Variants in MTFR1L observed in about 807,000 individuals in gnomAD.
MTFR1L encodes mitochondrial fission regulator 1-like.
MTFR1L carries 10 observed loss-of-function variants against 27.9 expected under a neutral mutation model. The ratio of observed to expected loss-of-function variants is 0.36; its 90% CI spans 0.22 to 0.61. The LOEUF (loss-of-function observed/expected upper bound fraction) is 0.61. Among genes scored for constraint, MTFR1L ranks in the 20% least tolerant of loss-of-function variants. MTFR1L has a pLI of 0.73. For synonymous variants in MTFR1L, 151 were observed against 139.4 expected (o/e 1.08, Z -0.58); for missense variants, 315 against 363.7 (o/e 0.87, Z 1.09).
Position 25,831,975 on chromosome 1 carries a change from A to G in MTFR1L, c.828A>G (p.Leu276=). ...CTGCTGTGCTTATCTCTGAGGTCCTAAGGAGGAAGTTTGCTCTAAAGGAAG... is the reference window on the plus strand; with the variant it reads ...CTGCTGTGCTTATCTCTGAGGTCCTGAGGAGGAAGTTTGCTCTAAAGGAAG... ...EDPAVLISEV[L]RRKFALKEED... is the part of the protein sequence containing the mutation. The change falls in exon 7 of 7, where the codon CTA becomes CTG. Residue 276 remains leucine, a synonymous_variant. Coordinates refer to ENST00000374303, the MANE Select transcript of MTFR1L (RefSeq NM_001099625.2). 2 of 1,614,214 alleles carry G rather than the reference A, an allele frequency of 1.2e-6. No individual in the cohort carries two copies. Among genetic ancestry groups the G allele is most frequent in the South Asian group, 1.1e-5 (1 of 91,086 alleles).
In MTFR1L at chr1:25,831,046, C is replaced by G. The variant is rs557065575; in HGVS notation, c.774-875C>G. The stretch of plus-strand genomic sequence containing the variant: ...CTTGCCTTTTGGACCAAATTAGATT[C>G]AAGACCCTTATTGCTAGCCCCCTCC... On this transcript the variant is annotated intron_variant, in intron 6 of 6. Transcript: ENST00000374303. Among the ~76,000 whole-genome samples the G allele has an allele frequency of 1.2e-3, 185 of 152,290 alleles. 2 individuals carry two copies. Among genetic ancestry groups the G allele is most frequent in the African/African-American group, 4.3e-3 (177 of 41,554 alleles).
At chr1:25,830,925 A>C (rs1162752885) in intron 6 of MTFR1L, among the ~76,000 whole-genome samples, 2 of 152,202 alleles carry the variant, frequency 1.3e-5, no homozygotes, top group Admixed American at 1.3e-4. Flanking sequence ...TTGGTCTTCC[A>C]CATTCCCAAA....
chr1:25,832,174 T>C lies in MTFR1L; in HGVS notation c.*148T>C. On this transcript the variant is annotated 3_prime_UTR_variant, in exon 7 of 7. Transcript: ENST00000374303. ...AGAGCTTGGACTGAAAGAGAAGAGC[T>C]GGATTATATATTTCCCAGACTTCAA... 1 of 1,546,074 alleles carries C rather than the reference T, an allele frequency of 6.5e-7. No homozygotes were observed. The highest frequency in any genetic ancestry group is 8.7e-7 in the Non-Finnish European group (1 of 1,150,026).
Position 25,823,713 on chromosome 1 carries a change from C to T in MTFR1L, c.94C>T (p.Leu32=). 1 of 1,614,122 alleles carries T rather than the reference C, an allele frequency of 6.2e-7. No individual in the cohort carries two copies. The highest frequency in any genetic ancestry group is 1.1e-5 in the South Asian group (1 of 91,078). The change falls in exon 3 of 7, where the codon CTA becomes TTA. Residue 32 remains leucine, a synonymous_variant. Coordinates refer to ENST00000374303, the MANE Select transcript of MTFR1L (RefSeq NM_001099625.2). ...TGTAGTAAGAAGAATTGGGACCAAC[C>T]TACCCTTGAAGCCGTGTGCCCGGGC... The part of the protein sequence containing the change: ...RSVVRRIGTN[L]PLKPCARASF...
At chr1:25,828,092 A>G (rs1027170186) in intron 5 of MTFR1L, among the ~76,000 whole-genome samples, 10 of 152,092 alleles carry the variant, frequency 6.6e-5, no homozygotes, top group Admixed American at 1.3e-4. Flanking sequence ...TTAAGCACCT[A>G]TCTTCCCTTG....
Position 25,826,894 on chromosome 1 carries a change from A to G in MTFR1L, c.451+68A>G. The G allele has an allele frequency of 1.9e-6, 3 of 1,538,946 alleles. No homozygotes were observed. Among genetic ancestry groups the G allele is most frequent in the Admixed American group, 1.9e-5 (1 of 52,896 alleles). On this transcript the variant is annotated intron_variant, in intron 5 of 6. Coordinates refer to ENST00000374303, the MANE Select transcript of MTFR1L (RefSeq NM_001099625.2). This position sits in a 1 kb window ranked among gnomAD's most constrained non-coding sequence, Gnocchi z 4.1. Reference sequence around the variant, plus strand: ...CTTTCCCCTGGCTCTTGGGCAGGATAGGGGTAAAGAAAGTGGTAATCCTTG... The same window carrying G: ...CTTTCCCCTGGCTCTTGGGCAGGATGGGGGTAAAGAAAGTGGTAATCCTTG...
chr1:25,829,004 A>G (rs1245112701), intron 5 of MTFR1L, among the ~76,000 whole-genome samples: 1 of 152,206 alleles, frequency 6.6e-6, no homozygotes, highest in Non-Finnish European at 1.5e-5. Flanking sequence ...TATTTTTAGA[A>G]ATGTAAAAAC....
At chr1:25,827,747 CAA>C (rs779512455) in intron 5 of MTFR1L, among the ~76,000 whole-genome samples, 3 of 151,618 alleles carry the variant, frequency 2.0e-5, no homozygotes, top group Non-Finnish European at 2.9e-5. Flanking sequence ...GCGGTTGAAA[CAA>C]GAGTCTCATT....
chr1:25,829,781 A>G lies in MTFR1L; in HGVS notation c.724A>G (p.Met242Val), dbSNP rs755070230. Reference protein sequence around the residue: ...SLSKASSFADMMGILKDFHRM... With the variant: ...SLSKASSFADVMGILKDFHRM... The stretch of plus-strand genomic sequence containing the variant: ...GTCCAAGGCCAGCAGCTTTGCAGAC[A>G]TGATGGGTATCCTGAAGGACTTTCA... Residue 242 changes from methionine to valine, a missense_variant, in exon 6 of 7, where the codon ATG (methionine) becomes GTG (valine). Coordinates refer to ENST00000374303, the MANE Select transcript of MTFR1L (RefSeq NM_001099625.2). The G allele has an allele frequency of 1.3e-5, 21 of 1,609,410 alleles. No homozygotes were observed. Among genetic ancestry groups the G allele is most frequent in the East Asian group, 2.2e-5 (1 of 44,894 alleles).
Position 25,820,021 on chromosome 1 carries a change from G to C in MTFR1L, c.-95G>C, listed in dbSNP as rs2294225. On this transcript the variant is annotated 5_prime_UTR_variant, in exon 1 of 7. Transcript: ENST00000374303. ...GTGAGGTGAGAGAGTCCGGGAGCCC[G>C]AGCTTGAGGTGAGAAAGGTTCTAGG... 2.3e-4 allele frequency: 81 copies of C among 354,160 alleles called. No homozygotes were observed. The East Asian group carries it at 7.3e-3, about 32-fold the overall frequency. The allele number at this position is 354,160 out of a possible 1,614,324, so 21.9% of individuals were successfully genotyped here. A position where few individuals can be genotyped will look rare whatever the true frequency, so the allele number is the denominator to read the frequency against.
chr1:25,830,001 G>C (rs191925710), intron 6 of MTFR1L, among the ~76,000 whole-genome samples, 171 bp downstream of exon 6: 2 of 152,268 alleles, frequency 1.3e-5, no homozygotes, highest in Admixed American at 1.3e-4. Flanking sequence ...TTTGAGGAAA[G>C]AGCAACACTA....
In MTFR1L at chr1:25,832,396, C is replaced by G. The variant is rs1346705043; in HGVS notation, c.*370C>G. 4.4e-6 allele frequency: 2 copies of G among 453,790 alleles called. No individual in the cohort carries two copies. 28.1% of individuals were successfully genotyped at this position (453,790 alleles called of 1,614,324 possible). A position where few individuals can be genotyped will look rare whatever the true frequency, so the allele number is the denominator to read the frequency against. On this transcript the variant is annotated 3_prime_UTR_variant, in exon 7 of 7. Transcript: ENST00000374303. The stretch of plus-strand genomic sequence containing the variant: ...GCTGGTCTCACAAGACACTTTGTGC[C>G]CAGCTGTCACTCACTCAGCAGCTTC...
chr1:25,824,881 A>G (rs963770299), intron 3 of MTFR1L, among the ~76,000 whole-genome samples: 1 of 152,166 alleles, frequency 6.6e-6, no homozygotes, highest in African/African-American at 2.4e-5. Flanking sequence ...GGCAGAGACA[A>G]TCAAGGGCAC....
chr1:25,823,155 A>G (rs780120093), intron 2 of MTFR1L, 27 bp downstream of exon 2: 6 of 1,608,754 alleles, frequency 3.7e-6, no homozygotes, highest in Admixed American at 1.7e-5. Context: ...GGGCAGGGGT[A>G]TGGTGGGGAA....
At chr1:25,824,171 C>T (rs1420616308) in intron 3 of MTFR1L, among the ~76,000 whole-genome samples, 2 of 152,216 alleles carry the variant, frequency 1.3e-5, no homozygotes, top group African/African-American at 4.8e-5. Context: ...CCACCATGCC[C>T]AGCTCCACTA....
chr1:25,823,715 A>G lies in MTFR1L; in HGVS notation c.96A>G (p.Leu32=). The G allele has an allele frequency of 6.2e-7, 1 of 1,613,766 alleles. No individual in the cohort carries two copies. ...RSVVRRIGTN[L]PLKPCARASF... is the part of the protein sequence containing the mutation. ...TAGTAAGAAGAATTGGGACCAACCTACCCTTGAAGCCGTGTGCCCGGGCGT... is the reference window on the plus strand; with the variant it reads ...TAGTAAGAAGAATTGGGACCAACCTGCCCTTGAAGCCGTGTGCCCGGGCGT... Residue 32 remains leucine (L), a synonymous_variant, in exon 3 of 7, where the codon CTA becomes CTG. Coordinates refer to ENST00000374303, the MANE Select transcript of MTFR1L (RefSeq NM_001099625.2).
At chr1:25,820,532 C>T (rs537852674) in intron 1 of MTFR1L, 4 of 355,138 alleles carry the variant, frequency 1.1e-5, no homozygotes, top group African/African-American at 4.6e-5. Flanking sequence ...AGCGCGGCGG[C>T]CTCCGTGGGG....
chr1:25,830,104 T>G (rs1467541690), intron 6 of MTFR1L, among the ~76,000 whole-genome samples: 2 of 152,194 alleles, frequency 1.3e-5, no homozygotes, highest in African/African-American at 4.8e-5. Flanking sequence ...CTCAGGTGGC[T>G]TTACCACTTC....
At position 25,829,506 on chromosome 1, in the gene MTFR1L, C is replaced by T; in HGVS notation, c.452-3C>T. On this transcript the variant is annotated splice_polypyrimidine_tract_variant and splice_region_variant and intron_variant, in intron 5 of 6. Coordinates refer to ENST00000374303, the MANE Select transcript of MTFR1L (RefSeq NM_001099625.2). ...CACCCATGCCTATTGTTTTCTCTTT[C>T]AGCTTCGGCTTCATTAACGCCAGAT... is the stretch of plus-strand genomic sequence containing the variant. 6.2e-7 allele frequency: 1 copy of T among 1,611,598 alleles called. No individual in the cohort carries two copies. Among genetic ancestry groups the T allele is most frequent in the Non-Finnish European group, 8.5e-7 (1 of 1,178,388 alleles).
Sources: allele counts gnomAD v4.1 joint callset (sites outside exome capture counted in the v4.1 genomes callset), GRCh38; gene constraint gnomAD v4.1.1; non-coding constraint Gnocchi (gnomAD v3.1); transcripts MANE v1.5; gene names NCBI Gene and HGNC (gene_info 2026-07-23, HGNC 2026-07-21).